TMEM218: variants seen among roughly 807,000 people sequenced by gnomAD.
TMEM218 encodes the protein transmembrane protein 218.
TMEM218 carries 8 observed loss-of-function variants against 10.0 expected under a neutral mutation model. That is an observed-to-expected ratio of 0.80 (90% confidence interval 0.47 to 1.44). The LOEUF (loss-of-function observed/expected upper bound fraction) is 1.44, where lower values mean the gene tolerates loss of function less well. Among genes scored for constraint, TMEM218 ranks in the 40% most tolerant of loss-of-function variants. The pLI is 0.00. For missense variants in TMEM218, 110 were observed against 140.1 expected (o/e 0.79, Z 1.08); for synonymous variants, 66 against 63.5 (o/e 1.04, Z -0.18).
intron 4 of TMEM218, among the ~76,000 whole-genome samples, chr11:125,099,622 C>G (rs1460668866): frequency 1.2e-4 from 18 of 152,172 alleles, no homozygotes; most frequent in Non-Finnish European, 2.9e-5. Flanking sequence ...TCACTCTCCC[C>G]CTTAAAAGAC....
rs1337544251 is a variant in TMEM218 at position 125,097,546 on chromosome 11, C to A, written c.*60G>T. 2.0e-5 allele frequency: 31 copies of A among 1,587,924 alleles called. No homozygotes were observed. The highest frequency in any genetic ancestry group is 2.7e-5 in the African/African-American group (2 of 74,108). ...AAACAAGGCTCTGAATAGTGCCTTC[C>A]TGCTCATCAATGTCATCACAATGAA... On this transcript the variant is annotated 3_prime_UTR_variant, in exon 5 of 5. Transcript: ENST00000682305.
chr11:125,102,504 A>T (rs1951047570), intron 2 of TMEM218, 187 bp from the exon 3 acceptor site: 1 of 1,457,968 alleles, frequency 6.9e-7, no homozygotes, highest in Admixed American at 2.5e-5. Context: ...GGGGACTGAG[A>T]GGGTGTTTTC....
intron 2 of TMEM218, 33 bp downstream of exon 2, chr11:125,102,701 C>T: frequency 7.7e-7 from 1 of 1,290,912 alleles, no homozygotes; most frequent in Non-Finnish European, 1.0e-6. Context: ...TTGAAGCTCT[C>T]AGGTTAAATC....
At chr11:125,101,899 G>A in intron 3 of TMEM218, 1 of 535,424 alleles carries the variant, frequency 1.9e-6, no homozygotes, top group Non-Finnish European at 3.2e-6. Flanking sequence ...AGCAGTGAAA[G>A]CAGAGTTTCT....
In TMEM218 at chr11:125,095,110, A is replaced by T. The variant is rs1055827831; in HGVS notation, c.*2496T>A. Among the ~76,000 whole-genome samples, 1 of 152,368 alleles carries T rather than the reference A, an allele frequency of 6.6e-6. No homozygotes were observed. Among genetic ancestry groups the T allele is most frequent in the African/African-American group, 2.4e-5 (1 of 41,584 alleles). ...CCATTGTGATCTCCATTGTGGGGAT[A>T]GGGTGGTATCCTCCTAATTCAGCTT... On this transcript the variant is annotated 3_prime_UTR_variant, in exon 5 of 5. Transcript: ENST00000682305.
chr11:125,101,158 A>C, intron 4 of TMEM218, 43 bp downstream of exon 4: 1 of 1,535,608 alleles, frequency 6.5e-7, no homozygotes, highest in African/African-American at 1.4e-5. Context: ...CAAGAGAAAT[A>C]AGAATCACAG....
intron 3 of TMEM218, chr11:125,101,738 A>G (rs2135760214): frequency 2.0e-6 from 1 of 503,676 alleles, no homozygotes. Context: ...TTCTGAAGGC[A>G]ATGCCTGATA....
intron 3 of TMEM218, 32 bp downstream of exon 3, chr11:125,102,100 C>T (rs1950928962): frequency 4.6e-6 from 7 of 1,514,602 alleles, no homozygotes; most frequent in Non-Finnish European, 6.2e-6. Flanking sequence ...AATTGCTTTA[C>T]CTAGGACTCC....
At chr11:125,101,330 A>G (rs1350675695) in intron 3 of TMEM218, 27 bp from the exon 4 acceptor site, 1 of 1,598,634 alleles carries the variant, frequency 6.3e-7, no homozygotes, top group Non-Finnish European at 8.6e-7. Context: ...AAATTATTAA[A>G]AGCACTGTCT....
intron 4 of TMEM218, among the ~76,000 whole-genome samples, chr11:125,098,504 A>G (rs1156489107): frequency 1.3e-5 from 2 of 152,166 alleles, no homozygotes; most frequent in Non-Finnish European, 2.9e-5. Flanking sequence ...GGAAAAAGCA[A>G]TTTAATCTAT....
rs1949723095 is a variant in TMEM218 at position 125,096,933 on chromosome 11, A to C, written c.*673T>G. ...CTACAGATACATGGCAAGACAAAAA[A>C]CAAAAAACAATATTTCCATACCTTT... On this transcript the variant is annotated 3_prime_UTR_variant, in exon 5 of 5. Coordinates refer to ENST00000682305, the MANE Select transcript of TMEM218 (RefSeq NM_001258244.2). 6.6e-6 allele frequency: 1 copy of C among 152,244 alleles called. No individual in the cohort carries two copies. The highest frequency in any genetic ancestry group is 2.4e-5 in the African/African-American group (1 of 41,468). 9.4% of individuals were successfully genotyped at this position (152,244 alleles called of 1,614,324 possible).
At chr11:125,109,366 A>G (rs941576044) in intron 1 of TMEM218, among the ~76,000 whole-genome samples, 2 of 152,140 alleles carry the variant, frequency 1.3e-5, no homozygotes, top group African/African-American at 2.4e-5. Context: ...TCAAAAGACT[A>G]TTTGCCTCTG....
chr11:125,102,002 T>A, intron 3 of TMEM218, 130 bp downstream of exon 3: 1 of 1,095,754 alleles, frequency 9.1e-7, no homozygotes, highest in Non-Finnish European at 1.2e-6. Context: ...AAAAAGAGGT[T>A]AAAATGCAAC....
intron 3 of TMEM218, chr11:125,101,812 G>A (rs1459668157): frequency 1.3e-5 from 6 of 475,650 alleles, no homozygotes; most frequent in Non-Finnish European, 2.2e-5. Context: ...CTAGAGCCTC[G>A]GGTACTGGAC....
At chr11:125,101,783 C>T (rs1399120109) in intron 3 of TMEM218, 2 of 476,160 alleles carry the variant, frequency 4.2e-6, no homozygotes, top group Non-Finnish European at 7.3e-6. Context: ...ATGTTGCTTT[C>T]GTTTTCCTGG....
intron 1 of TMEM218, among the ~76,000 whole-genome samples, chr11:125,109,161 T>C (rs1195716985): frequency 7.4e-6 from 1 of 135,640 alleles, no homozygotes; most frequent in Non-Finnish European, 1.6e-5. Flanking sequence ...ATGAAATTGA[T>C]CTATATGTAT....
chr11:125,109,426 T>C (rs7110691), intron 1 of TMEM218, among the ~76,000 whole-genome samples: 24,573 of 152,180 alleles, frequency 0.16, 2,518 homozygotes, highest in East Asian at 0.25. Context: ...ATAAAAGGGA[T>C]CTGAACTAAA....
In TMEM218 at chr11:125,101,924, C is replaced by T. The variant is rs149754025; in HGVS notation, c.110+208G>A. On this transcript the variant is annotated intron_variant, in intron 3 of 4. Coordinates refer to ENST00000682305, the MANE Select transcript of TMEM218 (RefSeq NM_001258244.2). ...GCAGAGTTTCTTGCCACAGTTAGAA[C>T]TCAAGAACACTACTTCCTTCTCCTC... 550 of 600,206 alleles carry T rather than the reference C, an allele frequency of 9.2e-4. 2 individuals are homozygous for T. In the African/African-American group the frequency reaches 9.7e-3, roughly 11 times the overall value. 37.2% of individuals were successfully genotyped at this position (600,206 alleles called of 1,614,324 possible).
At chr11:125,102,596 C>G in intron 2 of TMEM218, 138 bp downstream of exon 2, 10 of 1,321,974 alleles carry the variant, frequency 7.6e-6, no homozygotes, top group Non-Finnish European at 8.9e-6. Context: ...TCCCCCAGCC[C>G]ACGGGAGAAA....
Sources: gnomAD v4.1 joint callset for allele counts (sites outside exome capture counted in the v4.1 genomes callset) on GRCh38, gnomAD v4.1.1 for gene constraint, MANE v1.5 for transcripts, NCBI Gene and HGNC (gene_info 2026-07-23, HGNC 2026-07-21) for gene names.